KLRG2: variants seen among roughly 807,000 people sequenced by gnomAD.
The protein encoded by KLRG2 is killer cell lectin-like receptor subfamily G member 2.
A neutral mutation model predicts 35.4 loss-of-function variants in KLRG2; 39 were observed. The ratio of observed to expected loss-of-function variants is 1.10; its 90% CI spans 0.85 to 1.44. KLRG2 has a LOEUF of 1.44. KLRG2 is among the 40% of genes most tolerant of loss of function. KLRG2 has a pLI of 0.00. For synonymous variants in KLRG2, 283 were observed against 265.8 expected (o/e 1.06, Z -0.63); for missense variants, 632 against 570.9 (o/e 1.11, Z -1.09).
At chr7:139,459,043 A>C (rs1258235942) in intron 3 of KLRG2, among the ~76,000 whole-genome samples, 1 of 152,232 alleles carries the variant, frequency 6.6e-6, no homozygotes, top group Non-Finnish European at 1.5e-5. Flanking sequence ...CTAGATCTTG[A>C]ATCTTAGCGT....
chr7:139,464,584 A>G (rs1796618977), intron 3 of KLRG2, among the ~76,000 whole-genome samples: 1 of 152,108 alleles, frequency 6.6e-6, no homozygotes, highest in African/African-American at 2.4e-5. Context: ...TCCATTCCTT[A>G]AAAAACAGCT....
At chr7:139,457,401 T>C (rs1796495909) in intron 3 of KLRG2, among the ~76,000 whole-genome samples, 2 of 152,154 alleles carry the variant, frequency 1.3e-5, no homozygotes, top group South Asian at 4.1e-4. Flanking sequence ...CTACCCCATA[T>C]GCAAATTCTG....
chr7:139,470,584 G>T (rs907656099), intron 3 of KLRG2, among the ~76,000 whole-genome samples: 1 of 152,166 alleles, frequency 6.6e-6, no homozygotes, highest in Non-Finnish European at 1.5e-5. Context: ...TTGAGGCCAG[G>T]ATTTTGAGAT....
chr7:139,466,791 AAC>A (rs913425827), intron 3 of KLRG2, among the ~76,000 whole-genome samples: 2 of 151,794 alleles, frequency 1.3e-5, no homozygotes, highest in Non-Finnish European at 2.9e-5. Flanking sequence ...TTTTTAAATG[AAC>A]AGTGCTGTTT....
intron 3 of KLRG2, among the ~76,000 whole-genome samples, chr7:139,457,011 C>T (rs933327406): frequency 6.6e-6 from 1 of 152,216 alleles, no homozygotes; most frequent in South Asian, 2.1e-4. Context: ...GAAAACCCAT[C>T]TTCTGCCCCT....
chr7:139,482,823 G>A (rs1796983425), intron 1 of KLRG2, 63 bp downstream of exon 1: 2 of 1,330,584 alleles, frequency 1.5e-6, no homozygotes, highest in African/African-American at 3.1e-5. Flanking sequence ...GGGCGGGTGT[G>A]GGGGTTTCGG....
chr7:139,437,045 T>C, the KLRG2 span, among the ~76,000 whole-genome samples: 1 of 152,154 alleles, frequency 6.6e-6, no homozygotes, highest in African/African-American at 2.4e-5. Context: ...TAACACCCTG[T>C]GAAGTGGGAA....
chr7:139,478,950 C>A (rs115252946), intron 3 of KLRG2, among the ~76,000 whole-genome samples: 1 of 151,874 alleles, frequency 6.6e-6, no homozygotes, highest in African/African-American at 2.4e-5. Context: ...CTTGGCTGTG[C>A]GCAGTGGCTC....
chr7:139,434,548 C>T, the KLRG2 span, among the ~76,000 whole-genome samples: 1 of 152,232 alleles, frequency 6.6e-6, no homozygotes, highest in Non-Finnish European at 1.5e-5. Context: ...GAGCCTTCTC[C>T]TTGCTACTCA....
At chr7:139,440,868 A>G in the KLRG2 span, among the ~76,000 whole-genome samples, 1 of 152,214 alleles carries the variant, frequency 6.6e-6, no homozygotes, top group Non-Finnish European at 1.5e-5. Context: ...CTATTTTAAT[A>G]TTATTTATTT....
chr7:139,427,275 C>CA, the KLRG2 span, among the ~76,000 whole-genome samples: 1 of 152,130 alleles, frequency 6.6e-6, no homozygotes, highest in Non-Finnish European at 1.5e-5. Flanking sequence ...GCAGGCAGCA[C>CA]ACTGGCATGT....
In KLRG2 at chr7:139,453,686, G is replaced by C. The variant is rs1420592221; in HGVS notation, c.1131C>G (p.Asp377Glu). Residue 377 changes from aspartate to glutamate, a missense_variant, in exon 5 of 5, where the codon GAC becomes GAG. Coordinates refer to ENST00000340940, the MANE Select transcript of KLRG2 (RefSeq NM_198508.4). ...GGGCCCCACAGTTGATATCCAGATT[G>C]TCCTCGCCGTCCTCAGGGAGTCTGG... ...PPQLLPEDGE[D>E]NLDINCGALE... The C allele has an allele frequency of 6.2e-7, 1 of 1,614,004 alleles. No homozygotes were observed. The highest frequency in any genetic ancestry group is 8.5e-7 in the Non-Finnish European group (1 of 1,180,022).
chr7:139,482,995 G>C lies in KLRG2; in HGVS notation c.648C>G (p.Pro216=), dbSNP rs749292086. ...AEGSAGSPGS[P]TCCRCKELGL... The stretch of plus-strand genomic sequence containing the variant: ...CCAGCTCCTTGCAGCGGCAGCACGT[G>C]GGGGAGCCCGGGGAGCCGGCGCTTC... The change falls in exon 1 of 5, where the codon CCC becomes CCG. Residue 216 remains proline, a synonymous_variant. Transcript: ENST00000340940. 8.7e-6 allele frequency: 12 copies of C among 1,384,796 alleles called. No individual in the cohort carries two copies. The Admixed American group carries it at 1.8e-4, about 21-fold the overall frequency. The allele number at this position is 1,384,796 out of a possible 1,614,324, so 85.8% of individuals were successfully genotyped here.
the KLRG2 span, among the ~76,000 whole-genome samples, chr7:139,446,336 G>GTTTTT: frequency 1.1e-5 from 1 of 92,044 alleles, no homozygotes. Context: ...ATTTTCCAGG[G>GTTTTT]TTTTTTTTTT....
downstream of KLRG2, among the ~76,000 whole-genome samples, chr7:139,450,381 G>A (rs533075784): frequency 1.5e-3 from 226 of 151,950 alleles, no homozygotes; most frequent in African/African-American, 5.2e-3. Context: ...CTGCCACCAC[G>A]CCCGGCTAAT....
the KLRG2 span, among the ~76,000 whole-genome samples, chr7:139,442,116 G>A: frequency 2.0e-5 from 3 of 152,194 alleles, no homozygotes; most frequent in South Asian, 2.1e-4. Flanking sequence ...TGACACGCCA[G>A]GGAGCAAAGC....
chr7:139,456,344 C>A (rs1177613128), intron 3 of KLRG2, among the ~76,000 whole-genome samples: 1 of 152,132 alleles, frequency 6.6e-6, no homozygotes, highest in African/African-American at 2.4e-5. Flanking sequence ...CAGAATAGAG[C>A]TGTCTCTTTT....
the KLRG2 span, among the ~76,000 whole-genome samples, chr7:139,443,584 T>TG: frequency 6.6e-6 from 1 of 152,080 alleles, no homozygotes; most frequent in South Asian, 2.1e-4. Flanking sequence ...TTTTTTGAGA[T>TG]GGAGTCTTGC....
At chr7:139,462,447 C>A (rs1036622008) in intron 3 of KLRG2, among the ~76,000 whole-genome samples, 2 of 151,996 alleles carry the variant, frequency 1.3e-5, no homozygotes, top group African/African-American at 4.8e-5. Context: ...CATCCCCCCA[C>A]CTTCTCTCCG....
Sources: allele counts gnomAD v4.1 joint callset (sites outside exome capture counted in the v4.1 genomes callset), GRCh38; gene constraint gnomAD v4.1.1; transcripts MANE v1.5; gene names NCBI Gene and HGNC (gene_info 2026-07-23, HGNC 2026-07-21).